Variants in TENM3 observed in about 807,000 individuals in gnomAD.
TENM3 encodes the protein teneurin transmembrane protein 3.
In TENM3, 63 loss-of-function variants were observed where a neutral mutation model predicts 255.1. The observed-to-expected ratio is 0.25, with a 90% confidence interval of 0.20 to 0.30. TENM3 has a LOEUF of 0.30. Ranked by LOEUF, TENM3 falls within the 10% of genes least tolerant of loss-of-function variation. TENM3 has a pLI of 1.00. For synonymous variants in TENM3, 1,306 were observed against 1,322.3 expected (o/e 0.99, Z 0.27); for missense variants, 2,929 against 3,461.1 (o/e 0.85, Z 3.86).
the TENM3 span, among the ~76,000 whole-genome samples, chr4:182,101,096 G>GA: frequency 3.7e-5 from 1 of 26,846 alleles, no homozygotes; most frequent in African/African-American, 1.1e-4. Context: ...GGGAGGGAGG[G>GA]AGGGAGGGAG....
intron 9 of TENM3, 88 bp downstream of exon 9, chr4:182,680,437 A>AGAGG: frequency 9.0e-7 from 1 of 1,112,438 alleles, no homozygotes; most frequent in Non-Finnish European, 1.3e-6. Context: ...CAGGAAAGAA[A>AGAGG]GGGGGGGGGA....
At chr4:182,288,030 C>G (rs375421539) in intron 1 of TENM3, among the ~76,000 whole-genome samples, 4 of 152,058 alleles carry the variant, frequency 2.6e-5, no homozygotes, top group Non-Finnish European at 5.9e-5. Flanking sequence ...CTCTGCCTCC[C>G]GGGTTCAAGC....
At chr4:181,538,716 C>T in the TENM3 span, among the ~76,000 whole-genome samples, 1 of 152,164 alleles carries the variant, frequency 6.6e-6, no homozygotes. Flanking sequence ...AAAAAATGCA[C>T]TCAAGAACTG....
chr4:181,621,428 C>T, the TENM3 span, among the ~76,000 whole-genome samples: 1 of 152,120 alleles, frequency 6.6e-6, no homozygotes, highest in Non-Finnish European at 1.5e-5. Flanking sequence ...GACGAGTTAA[C>T]TACTCATTTT....
At chr4:182,797,177 C>T (rs533157093) in intron 27 of TENM3, among the ~76,000 whole-genome samples, 2 of 152,294 alleles carry the variant, frequency 1.3e-5, no homozygotes, top group Admixed American at 6.5e-5. Context: ...AGGGGGCTCA[C>T]GCCTGTAATC....
the TENM3 span, among the ~76,000 whole-genome samples, chr4:181,878,567 T>C: frequency 1.3e-5 from 2 of 152,192 alleles, no homozygotes; most frequent in African/African-American, 4.8e-5. Flanking sequence ...GCTGAGAGTT[T>C]ACCTTAAATA....
intron 12 of TENM3, among the ~76,000 whole-genome samples, chr4:182,698,385 C>T (rs1757593199): frequency 6.6e-6 from 1 of 152,192 alleles, no homozygotes; most frequent in Non-Finnish European, 1.5e-5. Context: ...TCCCTCCTTC[C>T]TTATCTCCTT....
chr4:182,537,810 G>A (rs956003289), intron 3 of TENM3, among the ~76,000 whole-genome samples: 2 of 152,128 alleles, frequency 1.3e-5, no homozygotes, highest in Admixed American at 6.6e-5. Flanking sequence ...ATGCTGCAGC[G>A]TGTTAAGTTT....
At chr4:182,191,139 T>C (rs1753490873) in intron 1 of TENM3, among the ~76,000 whole-genome samples, 1 of 152,224 alleles carries the variant, frequency 6.6e-6, no homozygotes, top group African/African-American at 2.4e-5. Context: ...ACTTGGGTGA[T>C]AAAGATTTCA....
At chr4:181,543,060 G>A in the TENM3 span, among the ~76,000 whole-genome samples, 35 of 152,256 alleles carry the variant, frequency 2.3e-4, no homozygotes, top group Non-Finnish European at 3.2e-4. Flanking sequence ...GCAAACTTCA[G>A]AAAATCTACT....
At chr4:182,711,732 A>G (rs1023408312) in intron 12 of TENM3, 4 of 213,156 alleles carry the variant, frequency 1.9e-5, no homozygotes, top group Non-Finnish European at 3.2e-5. Flanking sequence ...ATTATGTAAA[A>G]TGCCTTGGAT....
chr4:182,302,055 G>A (rs1031781138), intron 1 of TENM3, among the ~76,000 whole-genome samples: 6 of 152,224 alleles, frequency 3.9e-5, no homozygotes, highest in African/African-American at 1.4e-4. Context: ...TATCAACCCT[G>A]CTAGCCAATT....
chr4:182,504,314 C>G lies in TENM3; in HGVS notation c.512-96610C>G, dbSNP rs530209912. Among the ~76,000 whole-genome samples the G allele has an allele frequency of 7.2e-4, 109 of 152,048 alleles. 1 individual carries two copies. Among genetic ancestry groups the G allele is most frequent in the African/African-American group, 2.5e-3 (104 of 41,476 alleles). ...AGAGAGAGACGTAAATGCTTTTTAT[C>G]AAATTAGCCATTCTTAACTACAAAT... On this transcript the variant is annotated intron_variant, in intron 3 of 27. Coordinates refer to ENST00000511685, the MANE Select transcript of TENM3 (RefSeq NM_001080477.4).
At chr4:181,671,870 G>T in the TENM3 span, among the ~76,000 whole-genome samples, 1 of 152,196 alleles carries the variant, frequency 6.6e-6, no homozygotes, top group African/African-American at 2.4e-5. Context: ...ACAGTCATCA[G>T]CCTGGCCCAG....
At chr4:181,704,968 G>A in the TENM3 span, among the ~76,000 whole-genome samples, 4 of 151,478 alleles carry the variant, frequency 2.6e-5, no homozygotes, top group Non-Finnish European at 5.9e-5. Context: ...GGCAGAGGTT[G>A]CAGTGAGCCC....
At chr4:182,722,773 C>A (rs1038615594) in intron 13 of TENM3, among the ~76,000 whole-genome samples, 12 of 152,160 alleles carry the variant, frequency 7.9e-5, no homozygotes, top group African/African-American at 2.9e-4. Context: ...CCTGGGAAAA[C>A]ACACTGTTGT....
At chr4:182,359,269 G>C (rs944303512) in intron 3 of TENM3, among the ~76,000 whole-genome samples, 1 of 152,098 alleles carries the variant, frequency 6.6e-6, no homozygotes, top group African/African-American at 2.4e-5. Flanking sequence ...TTTTTCTATT[G>C]ATTCGAATAG....
intron 1 of TENM3, among the ~76,000 whole-genome samples, chr4:182,262,839 G>A (rs766428223): frequency 1.7e-4 from 25 of 149,012 alleles, no homozygotes; most frequent in Non-Finnish European, 3.3e-4. Context: ...TCAGCCTCCC[G>A]AGCAGCTGGG....
At chr4:181,906,269 A>G in the TENM3 span, 2 of 183,258 alleles carry the variant, frequency 1.1e-5, no homozygotes, top group African/African-American at 2.4e-5. Flanking sequence ...CCAGTGGTCT[A>G]TAGGGGTTGT....
Sources: gnomAD v4.1 joint callset for allele counts (sites outside exome capture counted in the v4.1 genomes callset) on GRCh38, gnomAD v4.1.1 for gene constraint, MANE v1.5 for transcripts, NCBI Gene and HGNC (gene_info 2026-07-23, HGNC 2026-07-21) for gene names.